The following ARPC5L variants were observed in gnomAD, a reference collection of about 807,000 sequenced individuals.
The protein encoded by ARPC5L is actin-related protein 2/3 complex subunit 5-like protein.
In ARPC5L, 4 loss-of-function variants were observed where a neutral mutation model predicts 16.9. That is an observed-to-expected ratio of 0.24 (90% confidence interval 0.12 to 0.54). The LOEUF (loss-of-function observed/expected upper bound fraction) is 0.54. Among genes scored for constraint, ARPC5L ranks in the 20% least tolerant of loss-of-function variants. ARPC5L has a pLI of 0.95. For synonymous variants in ARPC5L, 78 were observed against 82.6 expected, an observed-to-expected ratio of 0.94 and a Z score of 0.30; for missense variants, 151 against 201.9, an observed-to-expected ratio of 0.75 and a Z score of 1.53.
intron 3 of ARPC5L, 109 bp downstream of exon 3, chr9:124,869,548 G>A: frequency 2.2e-6 from 3 of 1,381,190 alleles, no homozygotes; most frequent in Non-Finnish European, 2.8e-6. Context: ...CCGACCCTTG[G>A]CCCCCTCAGG....
At position 124,876,903 on chromosome 9, in the gene ARPC5L, C is replaced by G. The variant is rs150162831; in HGVS notation, c.425C>G (p.Ser142Cys). 2.2e-5 allele frequency: 36 copies of G among 1,613,294 alleles called. No individual in the cohort carries two copies. In the East Asian group the frequency reaches 8.0e-4, roughly 36 times the overall value. ...EKALAVGGLG[S>C]IIRVLTARKT... ...GCCTTAGCAGTAGGAGGACTAGGCT[C>G]CATTATAAGAGTTCTTACAGCAAGA... The change falls in exon 6 of 6, where the codon TCC becomes TGC. Residue 142 changes from serine (S) to cysteine (C), a missense_variant. Transcript: ENST00000353214.
At chr9:124,866,458 A>C (rs2131330462) in intron 2 of ARPC5L, among the ~76,000 whole-genome samples, 1 of 152,150 alleles carries the variant, frequency 6.6e-6, no homozygotes, top group South Asian at 2.1e-4. Context: ...ACGGTGGCTC[A>C]TGCCTGTAAT....
At chr9:124,873,599 C>T in intron 3 of ARPC5L, 93 bp from the exon 4 acceptor site, 1 of 1,425,694 alleles carries the variant, frequency 7.0e-7, no homozygotes, top group South Asian at 1.2e-5. Context: ...GAGATCCCAT[C>T]TGACTCTGTT....
Position 124,868,880 on chromosome 9 carries a change from C to T in ARPC5L, c.-411C>T, listed in dbSNP as rs1207178150. Reference sequence around the variant, plus strand: ...TCCCCAGTACCGGCAGGGATCACCCCGGGAGCACGCGCCCGGCCCCGCTGA... The same window carrying T: ...TCCCCAGTACCGGCAGGGATCACCCTGGGAGCACGCGCCCGGCCCCGCTGA... On this transcript the variant is annotated 5_prime_UTR_variant, in exon 3 of 6. Transcript: ENST00000353214. 1 of 164,902 alleles carries T rather than the reference C, an allele frequency of 6.1e-6. No homozygotes were observed. The highest frequency in any genetic ancestry group is 1.3e-5 in the Non-Finnish European group (1 of 76,804). The allele number at this position is 164,902 out of a possible 1,614,324, so 10.2% of individuals were successfully genotyped here. A position where few individuals can be genotyped will look rare whatever the true frequency, so the allele number is the denominator to read the frequency against.
chr9:124,870,347 T>G (rs1217051730), intron 3 of ARPC5L, among the ~76,000 whole-genome samples: 1 of 152,188 alleles, frequency 6.6e-6, no homozygotes, highest in Admixed American at 6.5e-5. Context: ...GGAAACTGAC[T>G]TATTCTCACC....
chr9:124,875,148 A>G lies in ARPC5L; in HGVS notation c.396A>G (p.Glu132=), dbSNP rs184657071. ...GCGCAGTGTTACTCCAGTGGCACGA[A>G]AAGGTATGTGAACGCTGCCACGCGC... is the stretch of plus-strand genomic sequence containing the variant. ...NSSAVLLQWH[E]KALAVGGLGS... The change falls in exon 5 of 6, where the codon GAA becomes GAG. Residue 132 remains glutamate (E), a synonymous_variant. Transcript: ENST00000353214. 1.2e-6 allele frequency: 2 copies of G among 1,613,702 alleles called. No individual in the cohort carries two copies. Among genetic ancestry groups the G allele is most frequent in the East Asian group, 2.2e-5 (1 of 44,876 alleles).
At position 124,869,032 on chromosome 9, in the gene ARPC5L, G is replaced by T; in HGVS notation, c.-259G>T. ...GACAAAATAGAGACTCCGTGGAAGG[G>T]ACACTGAGGTGGGGGAGGCTGCGGT... On this transcript the variant is annotated 5_prime_UTR_variant, in exon 3 of 6. Coordinates refer to ENST00000353214, the MANE Select transcript of ARPC5L (RefSeq NM_030978.3). The T allele has an allele frequency of 2.7e-6, 1 of 370,840 alleles. No individual in the cohort carries two copies. The highest frequency in any genetic ancestry group is 4.8e-6 in the Non-Finnish European group (1 of 210,082). 23.0% of individuals were successfully genotyped at this position (370,840 alleles called of 1,614,324 possible). A position where few individuals can be genotyped will look rare whatever the true frequency, so the allele number is the denominator to read the frequency against.
intron 1 of ARPC5L, among the ~76,000 whole-genome samples, chr9:124,863,175 G>C (rs983083715): frequency 6.6e-6 from 1 of 151,764 alleles, no homozygotes; most frequent in African/African-American, 2.4e-5. Flanking sequence ...TATTTTTTGA[G>C]ATGGAGTCTG....
chr9:124,868,112 C>T (rs150335579), intron 2 of ARPC5L, among the ~76,000 whole-genome samples: 1 of 152,168 alleles, frequency 6.6e-6, no homozygotes, highest in East Asian at 1.9e-4. Flanking sequence ...CCACTAGTTT[C>T]CCACTATGGG....
rs1829451441 is a variant in ARPC5L, at chr9:124,877,006, T to C, written c.*66T>C. The C allele has an allele frequency of 7.6e-7, 1 of 1,307,834 alleles. No homozygotes were observed. The highest frequency in any genetic ancestry group is 1.1e-6 in the Non-Finnish European group (1 of 928,728). 81.0% of individuals were successfully genotyped at this position (1,307,834 alleles called of 1,614,324 possible). A position where few individuals can be genotyped will look rare whatever the true frequency, so the allele number is the denominator to read the frequency against. On this transcript the variant is annotated 3_prime_UTR_variant, in exon 6 of 6. Transcript: ENST00000353214. ...GATGCCCAGGCTGGTGAAGAAGGGA[T>C]TGACAATGGACCATCTTCCTAGGAA...
intron 3 of ARPC5L, 37 bp downstream of exon 3, chr9:124,869,476 G>A: frequency 1.4e-6 from 2 of 1,421,044 alleles, no homozygotes; most frequent in Non-Finnish European, 1.8e-6. Flanking sequence ...GCCTGCGCGC[G>A]GCCTTCTCAC....
At chr9:124,872,216 A>T (rs1414132050) in intron 3 of ARPC5L, among the ~76,000 whole-genome samples, 3 of 152,184 alleles carry the variant, frequency 2.0e-5, no homozygotes, top group Admixed American at 2.0e-4. Flanking sequence ...TAGTTGTGCC[A>T]GGTTTACATG....
At chr9:124,864,806 T>A (rs973640080) in intron 2 of ARPC5L, among the ~76,000 whole-genome samples, 1 of 150,854 alleles carries the variant, frequency 6.6e-6, no homozygotes, top group African/African-American at 2.4e-5. Flanking sequence ...GCAGTGCGCC[T>A]GGACCTTTTT....
chr9:124,871,376 T>G lies in ARPC5L; in HGVS notation c.149+1937T>G, dbSNP rs184155518. ...CGGACAGCCATGCTGGCTTCCTAGA[T>G]TCCGTGGGAGCCTCATGGGCTAACA... On this transcript the variant is annotated intron_variant, in intron 3 of 5. Transcript: ENST00000353214. 1.6e-3 allele frequency among the ~76,000 whole-genome samples: 247 copies of G among 152,320 alleles called. 1 individual carries two copies. The highest frequency in any genetic ancestry group is 5.7e-3 in the African/African-American group (239 of 41,578).
At chr9:124,864,668 G>A (rs936826590) in intron 2 of ARPC5L, among the ~76,000 whole-genome samples, 5 of 152,090 alleles carry the variant, frequency 3.3e-5, no homozygotes, top group African/African-American at 9.7e-5. Flanking sequence ...GTGAGCTGCC[G>A]CGCCTGGCCC....
At chr9:124,868,356 A>G (rs929869144) in intron 2 of ARPC5L, 72 bp from the exon 3 acceptor site, 5 of 152,256 alleles carry the variant, frequency 3.3e-5, no homozygotes, top group Non-Finnish European at 5.9e-5. Context: ...CCCCTGGGAT[A>G]ACAGCCCAGG....
rs575970561 is a variant in ARPC5L, at chr9:124,871,820, T to C, written c.150-1872T>C. On this transcript the variant is annotated intron_variant, in intron 3 of 5. Coordinates refer to ENST00000353214, the MANE Select transcript of ARPC5L (RefSeq NM_030978.3). ...GATGGTTACAGCTTGGGGATGCCACTGGAATCCAGTGGGCAGAGGCCTATG... is the reference window on the plus strand; with the variant it reads ...GATGGTTACAGCTTGGGGATGCCACCGGAATCCAGTGGGCAGAGGCCTATG... Among the ~76,000 whole-genome samples the C allele has an allele frequency of 2.0e-5, 3 of 152,194 alleles. No individual in the cohort carries two copies. In the East Asian group the frequency reaches 5.8e-4, roughly 29 times the overall value.
intron 3 of ARPC5L, among the ~76,000 whole-genome samples, chr9:124,872,279 C>G (rs2131336587): frequency 6.6e-6 from 1 of 152,176 alleles, no homozygotes; most frequent in Admixed American, 6.5e-5. Flanking sequence ...CTGCTTATTG[C>G]TTTGGGGACA....
At position 124,868,060 on chromosome 9, in the gene ARPC5L, C is replaced by A. The variant is rs557040723; in HGVS notation, c.-863-368C>A. ...CTGACCTCAGGTGATCCGCCCACCTCGGCTCCCAAAGTGCTGAGGATTACA... is the reference window on the plus strand; with the variant it reads ...CTGACCTCAGGTGATCCGCCCACCTAGGCTCCCAAAGTGCTGAGGATTACA... On this transcript the variant is annotated intron_variant, in intron 2 of 5. Coordinates refer to ENST00000353214, the MANE Select transcript of ARPC5L (RefSeq NM_030978.3). Among the ~76,000 whole-genome samples, 131 of 152,210 alleles carry A rather than the reference C, an allele frequency of 8.6e-4. 1 individual carries two copies. Among genetic ancestry groups the A allele is most frequent in the Admixed American group, 2.2e-3 (33 of 15,304 alleles).
Sources: gnomAD v4.1 joint callset for allele counts (sites outside exome capture counted in the v4.1 genomes callset) on GRCh38, gnomAD v4.1.1 for gene constraint, MANE v1.5 for transcripts, NCBI Gene and HGNC (gene_info 2026-07-23, HGNC 2026-07-21) for gene names.